GRIK2: variants seen among roughly 807,000 people sequenced by gnomAD.
The protein encoded by GRIK2 is glutamate receptor ionotropic, kainate 2.
GRIK2 carries 32 observed loss-of-function variants against 100.3 expected under a neutral mutation model. The ratio of observed to expected loss-of-function variants is 0.32; its 90% CI spans 0.24 to 0.43. GRIK2 has a LOEUF of 0.43. Among genes scored for constraint, GRIK2 ranks in the 20% least tolerant of loss-of-function variants. The pLI, the probability that GRIK2 is intolerant of heterozygous loss-of-function variation, is 1.00. For missense variants in GRIK2, 843 were observed against 1,114.9 expected (o/e 0.76, Z 3.47); for synonymous variants, 417 against 389.4 (o/e 1.07, Z -0.83).
intron 14 of GRIK2, among the ~76,000 whole-genome samples, chr6:101,944,651 C>T (rs1791161980): frequency 6.6e-6 from 1 of 151,776 alleles, no homozygotes; most frequent in Non-Finnish European, 1.5e-5. Context: ...GCTAATATCA[C>T]ACTGAACAAA....
chr6:101,461,605 C>A (rs2128252536), intron 2 of GRIK2, among the ~76,000 whole-genome samples: 1 of 152,262 alleles, frequency 6.6e-6, no homozygotes, highest in East Asian at 1.9e-4. Flanking sequence ...ATGATGGTTT[C>A]CACATTTTCA....
chr6:101,655,390 C>T (rs1468894272), intron 4 of GRIK2, among the ~76,000 whole-genome samples: 4 of 152,116 alleles, frequency 2.6e-5, no homozygotes, highest in Non-Finnish European at 5.9e-5. Context: ...AACAGGACAG[C>T]CCAACCTAAT....
intron 16 of GRIK2, among the ~76,000 whole-genome samples, chr6:102,065,108 C>A (rs1422319543): frequency 6.6e-6 from 1 of 150,960 alleles, no homozygotes; most frequent in African/African-American, 2.4e-5. Context: ...TAATCGAGAC[C>A]ATTGATTGAC....
chr6:101,771,497 TTTTTA>T lies in GRIK2; in HGVS notation c.952-28146_952-28142del, dbSNP rs572179554. Among the ~76,000 whole-genome samples the T allele has an allele frequency of 3.4e-3, 516 of 151,544 alleles. 1 individual carries two copies. The highest frequency in any genetic ancestry group is 0.012 in the African/African-American group (498 of 41,482). On this transcript the variant is annotated intron_variant, in intron 7 of 16. Transcript: ENST00000369134. ...ATGCCTGAGGTTGCAATTTTTTGAA[TTTTTA>T]TTTTGTTTTATTTTATTTTTATTTA... is the stretch of plus-strand genomic sequence containing the variant.
chr6:101,661,720 A>C (rs1440855205), intron 4 of GRIK2, among the ~76,000 whole-genome samples: 1 of 151,996 alleles, frequency 6.6e-6, no homozygotes, highest in Non-Finnish European at 1.5e-5. Flanking sequence ...TCCCTTGGCT[A>C]GGGGAGGGAG....
intron 15 of GRIK2, among the ~76,000 whole-genome samples, chr6:102,042,474 G>GACTT (rs1166916395): frequency 6.6e-6 from 1 of 151,624 alleles, no homozygotes; most frequent in Non-Finnish European, 1.5e-5. Flanking sequence ...TTAGTGCAGG[G>GACTT]ACTTAGATAG....
intron 2 of GRIK2, among the ~76,000 whole-genome samples, chr6:101,502,007 GGGA>G (rs1773777498): frequency 6.6e-6 from 1 of 152,086 alleles, no homozygotes; most frequent in Non-Finnish European, 1.5e-5. Flanking sequence ...CCAAAGTGCT[GGGA>G]TTACAGGCAA....
At chr6:101,776,065 A>G (rs1778728604) in intron 7 of GRIK2, among the ~76,000 whole-genome samples, 1 of 152,120 alleles carries the variant, frequency 6.6e-6, no homozygotes. Flanking sequence ...AAATGCTGTA[A>G]TATTGGAGAA....
chr6:101,928,685 CTT>C (rs1790067938), intron 14 of GRIK2, 53 bp downstream of exon 14: 1 of 869,118 alleles, frequency 1.2e-6, no homozygotes, highest in South Asian at 1.4e-5. Flanking sequence ...AGAGCGCAAA[CTT>C]CTCTCGATTC....
intron 2 of GRIK2, among the ~76,000 whole-genome samples, chr6:101,524,718 G>GTTTTTTTTTT (rs11339091): frequency 1.5e-5 from 2 of 134,286 alleles, no homozygotes; most frequent in African/African-American, 2.8e-5. Context: ...TTGCATGTTC[G>GTTTTTTTTTT]TTTTTTTTTT....
At chr6:101,498,673 G>T (rs922507639) in intron 2 of GRIK2, among the ~76,000 whole-genome samples, 1 of 151,636 alleles carries the variant, frequency 6.6e-6, no homozygotes, top group African/African-American at 2.4e-5. Context: ...CTTCTTTTGA[G>T]AAGTGTCTGT....
At chr6:101,613,202 T>C (rs1779755720) in intron 2 of GRIK2, among the ~76,000 whole-genome samples, 1 of 151,776 alleles carries the variant, frequency 6.6e-6, no homozygotes, top group Non-Finnish European at 1.5e-5. Context: ...TGGGAATCTA[T>C]AAACTGTTAG....
At chr6:101,601,120 GT>G (rs34999814) in intron 2 of GRIK2, among the ~76,000 whole-genome samples, 25,770 of 139,942 alleles carry the variant, frequency 0.18, 2,613 homozygotes, top group Non-Finnish European at 0.26. Flanking sequence ...AGTTTGTTGA[GT>G]TTTTTTTTTT....
intron 14 of GRIK2, among the ~76,000 whole-genome samples, chr6:101,939,720 A>G (rs1017828308): frequency 4.6e-5 from 7 of 152,120 alleles, no homozygotes; most frequent in African/African-American, 1.4e-4. Flanking sequence ...GACTTTAAAT[A>G]TATCAATTCA....
chr6:101,469,154 G>C (rs189652341), intron 2 of GRIK2, among the ~76,000 whole-genome samples: 27 of 152,226 alleles, frequency 1.8e-4, no homozygotes, highest in African/African-American at 6.3e-4. Flanking sequence ...ACCCACAATA[G>C]AGAAAACAAG....
intron 2 of GRIK2, among the ~76,000 whole-genome samples, chr6:101,551,622 A>T (rs1029744653): frequency 9.9e-5 from 15 of 152,118 alleles, no homozygotes; most frequent in African/African-American, 3.6e-4. Context: ...TGTGTCCCGC[A>T]CTGTTCTGGA....
intron 14 of GRIK2, among the ~76,000 whole-genome samples, chr6:101,984,470 A>G (rs577386609): frequency 6.6e-6 from 1 of 151,816 alleles, no homozygotes; most frequent in Non-Finnish European, 1.5e-5. Flanking sequence ...ATTTATTTAT[A>G]CTTGCTGGAC....
At chr6:101,635,108 T>C (rs1316980598) in intron 4 of GRIK2, among the ~76,000 whole-genome samples, 1 of 152,162 alleles carries the variant, frequency 6.6e-6, no homozygotes, top group Non-Finnish European at 1.5e-5. Flanking sequence ...CATTTTATTT[T>C]AGGGAGTGGG....
At chr6:102,010,119 T>C (rs1795450419) in intron 14 of GRIK2, among the ~76,000 whole-genome samples, 1 of 152,026 alleles carries the variant, frequency 6.6e-6, no homozygotes, top group African/African-American at 2.4e-5. Flanking sequence ...ATGCGCAATC[T>C]CTCCCACTAT....
Sources: allele counts gnomAD v4.1 joint callset (sites outside exome capture counted in the v4.1 genomes callset), GRCh38; gene constraint gnomAD v4.1.1; transcripts MANE v1.5; gene names NCBI Gene and HGNC (gene_info 2026-07-23, HGNC 2026-07-21).